The following PPP1R17 variants were observed in gnomAD, a reference collection of about 807,000 sequenced individuals.
PPP1R17 encodes protein phosphatase 1 regulatory subunit 17.
Under a neutral mutation model 15.9 loss-of-function variants are expected in PPP1R17, and 12 were observed. That is an observed-to-expected ratio of 0.75 (90% CI 0.48 to 1.22). The LOEUF (loss-of-function observed/expected upper bound fraction) is 1.22. Among genes scored for constraint, PPP1R17 ranks in the 50% most tolerant of loss-of-function variants. The probability of loss-of-function intolerance (pLI) is 0.00; values close to 1 mark genes in which losing one functional copy is unlikely to be tolerated. For missense variants in PPP1R17, 211 were observed against 187.3 expected, an observed-to-expected ratio of 1.13 and a Z score of -0.74; for synonymous variants, 63 against 64.5, an observed-to-expected ratio of 0.98 and a Z score of 0.11.
intron 4 of PPP1R17, among the ~76,000 whole-genome samples, chr7:31,703,105 C>T (rs1792922624): frequency 6.6e-6 from 1 of 152,296 alleles, no homozygotes; most frequent in African/African-American, 2.4e-5. Context: ...ATAAATATGT[C>T]TCCCAGGGCT....
chr7:31,689,717 C>T (rs932952072), intron 1 of PPP1R17, among the ~76,000 whole-genome samples: 1 of 152,144 alleles, frequency 6.6e-6, no homozygotes, highest in Non-Finnish European at 1.5e-5. Context: ...CTCCAAATGT[C>T]TTTCCCCTCC....
At position 31,707,426 on chromosome 7, in the gene PPP1R17, C is replaced by A; in HGVS notation, c.*143C>A. Reference sequence around the variant, plus strand: ...ACACCTTCTCCCCAGGAGATGTATGCCATCAAATTGCCAGTCACCTCTTTG... The same window carrying A: ...ACACCTTCTCCCCAGGAGATGTATGACATCAAATTGCCAGTCACCTCTTTG... On this transcript the variant is annotated 3_prime_UTR_variant, in exon 5 of 5. Transcript: ENST00000342032. 4.7e-6 allele frequency: 3 copies of A among 634,582 alleles called. No individual in the cohort carries two copies. Among genetic ancestry groups the A allele is most frequent in the Non-Finnish European group, 8.1e-6 (3 of 369,800 alleles). 39.3% of individuals were successfully genotyped at this position (634,582 alleles called of 1,614,324 possible).
chr7:31,689,601 T>C (rs546227387), intron 1 of PPP1R17, among the ~76,000 whole-genome samples: 3 of 152,236 alleles, frequency 2.0e-5, no homozygotes, highest in African/African-American at 7.2e-5. Context: ...AACAGCTCAC[T>C]CATAAAGAGC....
intron 4 of PPP1R17, among the ~76,000 whole-genome samples, chr7:31,702,834 A>G (rs1474035626): frequency 1.3e-5 from 2 of 152,228 alleles, no homozygotes; most frequent in African/African-American, 4.8e-5. Context: ...CAATTTTGCA[A>G]TACCTGATGG....
chr7:31,687,892 A>T (rs1399018770), intron 1 of PPP1R17, among the ~76,000 whole-genome samples: 1 of 152,104 alleles, frequency 6.6e-6, no homozygotes, highest in Non-Finnish European at 1.5e-5. Context: ...ACTTTGGGGG[A>T]TATTCTTCAG....
intron 2 of PPP1R17, among the ~76,000 whole-genome samples, chr7:31,693,122 G>A (rs34171): frequency 0.38 from 57,870 of 151,886 alleles, 11,681 homozygotes; most frequent in East Asian, 0.67. Context: ...TATGCCTCAC[G>A]TGGTTATGAC....
chr7:31,702,207 ATT>A (rs34824281), intron 4 of PPP1R17, among the ~76,000 whole-genome samples: 1 of 141,898 alleles, frequency 7.0e-6, no homozygotes, highest in Non-Finnish European at 1.5e-5. Flanking sequence ...ACCCTTATTT[ATT>A]TTTTTTTTTG....
chr7:31,689,429 G>A (rs1030482046), intron 1 of PPP1R17, among the ~76,000 whole-genome samples: 3 of 152,162 alleles, frequency 2.0e-5, no homozygotes, highest in Admixed American at 1.3e-4. Flanking sequence ...ACAGGGAGAT[G>A]ATGAAACCTT....
At chr7:31,706,301 G>A (rs34183) in intron 4 of PPP1R17, among the ~76,000 whole-genome samples, 56,461 of 151,554 alleles carry the variant, frequency 0.37, 10,957 homozygotes, top group East Asian at 0.68. Context: ...CACCACACCC[G>A]GCCCAGTAAA....
In PPP1R17 at chr7:31,701,137, G is replaced by A. The variant is rs1181748940; in HGVS notation, c.388+4020G>A. On this transcript the variant is annotated intron_variant, in intron 4 of 4. Coordinates refer to ENST00000342032, the MANE Select transcript of PPP1R17 (RefSeq NM_006658.5). ...GATAGTGATCCCTCTGATGGATCTG[G>A]ACAAAGTAAACTGAAAACCTTCTGG... Among the ~76,000 whole-genome samples, 9 of 152,142 alleles carry A rather than the reference G, an allele frequency of 5.9e-5. 1 individual carries two copies. The East Asian group carries it at 1.7e-3, about 29-fold the overall frequency.
At chr7:31,707,068 G>C (rs1162286789) in intron 4 of PPP1R17, 136 bp from the exon 5 acceptor site, 2 of 693,452 alleles carry the variant, frequency 2.9e-6, no homozygotes, top group African/African-American at 3.6e-5. Flanking sequence ...CTCTGGGTTG[G>C]TACTGTTAGC....
At position 31,694,387 on chromosome 7, in the gene PPP1R17, A is replaced by AACACAC. The variant is rs533091870; in HGVS notation, c.83-1058_83-1053dup. On this transcript the variant is annotated intron_variant, in intron 2 of 4. Coordinates refer to ENST00000342032, the MANE Select transcript of PPP1R17 (RefSeq NM_006658.5). ...ATTTTAGCTCTCTCTCTCTCTCTCA[A>AACACAC]ACACACACACACACACACACACACA... 7.7e-3 allele frequency among the ~76,000 whole-genome samples: 1,092 copies of AACACAC among 141,670 alleles called. 12 individuals carry two copies. Among genetic ancestry groups the AACACAC allele is most frequent in the African/African-American group, 0.027 (1,029 of 38,136 alleles). 92.9% of individuals were successfully genotyped at this position (141,670 alleles called of 152,430 possible).
chr7:31,704,847 C>T (rs1482278504), intron 4 of PPP1R17, among the ~76,000 whole-genome samples: 1 of 152,100 alleles, frequency 6.6e-6, no homozygotes, highest in African/African-American at 2.4e-5. Context: ...CCTCTGCTTC[C>T]CCTGAAAGCA....
chr7:31,693,812 T>C (rs746552288), intron 2 of PPP1R17, among the ~76,000 whole-genome samples: 4 of 152,078 alleles, frequency 2.6e-5, no homozygotes, highest in Non-Finnish European at 5.9e-5. Context: ...ACTTTTTAAA[T>C]AAGAAAGAGA....
At chr7:31,696,869 C>T in intron 3 of PPP1R17, 96 bp from the exon 4 acceptor site, 3 of 1,354,974 alleles carry the variant, frequency 2.2e-6, no homozygotes, top group Non-Finnish European at 3.0e-6. Context: ...GCTATATTGA[C>T]TGTCTTCACC....
chr7:31,697,895 C>T (rs1458960714), intron 4 of PPP1R17, among the ~76,000 whole-genome samples: 3 of 152,166 alleles, frequency 2.0e-5, no homozygotes, highest in Admixed American at 2.0e-4. Context: ...ATTTAATTAA[C>T]TTACTCATCT....
intron 4 of PPP1R17, among the ~76,000 whole-genome samples, chr7:31,700,763 A>G (rs947896287): frequency 7.9e-5 from 12 of 152,124 alleles, no homozygotes; most frequent in Non-Finnish European, 1.3e-4. Context: ...CTATTCTGAA[A>G]ATCCTAGGGC....
At chr7:31,704,333 G>A (rs1052014607) in intron 4 of PPP1R17, among the ~76,000 whole-genome samples, 7 of 152,136 alleles carry the variant, frequency 4.6e-5, no homozygotes, top group Non-Finnish European at 8.8e-5. Context: ...ATTTTAGATG[G>A]GGCTCTGGGT....
chr7:31,696,003 G>C (rs924275070), intron 3 of PPP1R17: 1 of 155,662 alleles, frequency 6.4e-6, no homozygotes, highest in African/African-American at 2.4e-5. Flanking sequence ...ATGGGAGGTA[G>C]ACAGAGTGGA....
Sources: gnomAD v4.1 joint callset for allele counts (sites outside exome capture counted in the v4.1 genomes callset) on GRCh38, gnomAD v4.1.1 for gene constraint, MANE v1.5 for transcripts, NCBI Gene and HGNC (gene_info 2026-07-23, HGNC 2026-07-21) for gene names.